The following PIK3CA variants were observed in gnomAD, a reference collection of about 807,000 sequenced individuals.
PIK3CA encodes phosphatidylinositol 4,5-bisphosphate 3-kinase catalytic subunit alpha isoform.
In PIK3CA, 27 loss-of-function variants were observed where a neutral mutation model predicts 138.2. That is an observed-to-expected ratio of 0.20 (90% confidence interval 0.14 to 0.27). The LOEUF (loss-of-function observed/expected upper bound fraction) is 0.27, where lower values mean the gene tolerates loss of function less well. PIK3CA is among the 10% of genes least tolerant of loss of function. PIK3CA has a pLI of 1.00. For missense variants in PIK3CA, 544 were observed against 1,277.4 expected (o/e 0.43, Z 8.75); for synonymous variants, 358 against 413.2 (o/e 0.87, Z 1.62).
intron 20 of PIK3CA, among the ~76,000 whole-genome samples, chr3:179,232,595 G>C (rs1325904356): frequency 6.6e-6 from 1 of 151,784 alleles, no homozygotes; most frequent in Non-Finnish European, 1.5e-5. Context: ...GACTCTTTTT[G>C]GTCGGTTTTA....
intron 1 of PIK3CA, among the ~76,000 whole-genome samples, chr3:179,185,572 G>A (rs1385324076): frequency 6.6e-6 from 1 of 152,130 alleles, no homozygotes; most frequent in Non-Finnish European, 1.5e-5. Context: ...ATAGATTGAG[G>A]GCTCAGTCAC....
intron 2 of PIK3CA, 69 bp from the exon 3 acceptor site, chr3:179,199,621 T>C: frequency 8.5e-7 from 1 of 1,173,986 alleles, no homozygotes; most frequent in South Asian, 1.4e-5. Flanking sequence ...AGTTCCCTGT[T>C]TGCAAAAAAA....
At chr3:179,160,503 C>T (rs554464839) in intron 1 of PIK3CA, among the ~76,000 whole-genome samples, 86 of 152,216 alleles carry the variant, frequency 5.6e-4, no homozygotes, top group East Asian at 2.9e-3. Context: ...CAGTTTGATC[C>T]GGTGCTGGAA....
intron 1 of PIK3CA, among the ~76,000 whole-genome samples, chr3:179,155,236 TTATTGTATCCTCAGCACA>T (rs1332357734): frequency 6.6e-6 from 1 of 152,196 alleles, no homozygotes; most frequent in Non-Finnish European, 1.5e-5. Context: ...AATGTTGTGT[TTATTGTATCCTCAGCACA>T]TACTGTAGTG....
intron 10 of PIK3CA, 110 bp downstream of exon 10, chr3:179,218,444 C>T (rs1724893311): frequency 4.0e-6 from 3 of 752,728 alleles, no homozygotes; most frequent in African/African-American, 1.8e-5. Flanking sequence ...ATAAATAAAG[C>T]AGAATTTACA....
chr3:179,148,462 G>T lies in PIK3CA; in HGVS notation c.-218G>T, dbSNP rs1379257177. 1 of 150,962 alleles carries T rather than the reference G, an allele frequency of 6.6e-6. No individual in the cohort carries two copies. The highest frequency in any genetic ancestry group is 1.5e-5 in the Non-Finnish European group (1 of 67,638). 9.4% of individuals were successfully genotyped at this position (150,962 alleles called of 1,614,324 possible). A position where few individuals can be genotyped will look rare whatever the true frequency, so the allele number is the denominator to read the frequency against. Reference sequence around the variant, plus strand: ...GCGAGGCAGGGCTCGGGCCCGGCCGGGCAGCTCCGGAGCGGCGGGGGAGAG... The same window carrying T: ...GCGAGGCAGGGCTCGGGCCCGGCCGTGCAGCTCCGGAGCGGCGGGGGAGAG... On this transcript the variant is annotated 5_prime_UTR_variant, in exon 1 of 21. Transcript: ENST00000263967.
Position 179,220,121 on chromosome 3 carries a change from A to G in PIK3CA, c.2015+69A>G, listed in dbSNP as rs1043968338. ...ACTTGCTTTCTTAATAGATTTATAAATATGTATTACTTATATACTTTTGTT... is the reference window on the plus strand; with the variant it reads ...ACTTGCTTTCTTAATAGATTTATAAGTATGTATTACTTATATACTTTTGTT... On this transcript the variant is annotated intron_variant, in intron 13 of 20. Coordinates refer to ENST00000263967, the MANE Select transcript of PIK3CA (RefSeq NM_006218.4). The surrounding 1 kb of genome is among the most constrained non-coding windows in gnomAD (Gnocchi z 4.1). 1 of 1,132,670 alleles carries G rather than the reference A, an allele frequency of 8.8e-7. No homozygotes were observed. Among genetic ancestry groups the G allele is most frequent in the Non-Finnish European group, 1.2e-6 (1 of 802,408 alleles). The allele number at this position is 1,132,670 out of a possible 1,614,324, so 70.2% of individuals were successfully genotyped here. A position where few individuals can be genotyped will look rare whatever the true frequency, so the allele number is the denominator to read the frequency against.
intron 9 of PIK3CA, among the ~76,000 whole-genome samples, chr3:179,214,739 A>G (rs372383541): frequency 2.7e-5 from 4 of 149,350 alleles, no homozygotes; most frequent in South Asian, 4.2e-4. Flanking sequence ...AAAGCAAAGC[A>G]CAATAATACA....
Position 179,219,808 on chromosome 3 carries a change from T to G in PIK3CA, c.1911+73T>G. The G allele has an allele frequency of 7.0e-7, 1 of 1,433,964 alleles. No homozygotes were observed. The allele number at this position is 1,433,964 out of a possible 1,614,324, so 88.8% of individuals were successfully genotyped here. Reference sequence around the variant, plus strand: ...TATTCTAGATCCATACAACTTCCTTTTAAAAAACCTACTGCACTAACTAGT... The same window carrying G: ...TATTCTAGATCCATACAACTTCCTTGTAAAAAACCTACTGCACTAACTAGT... On this transcript the variant is annotated intron_variant, in intron 12 of 20. Coordinates refer to ENST00000263967, the MANE Select transcript of PIK3CA (RefSeq NM_006218.4). The surrounding 1 kb of genome is among the most constrained non-coding windows in gnomAD (Gnocchi z 4.2).
chr3:179,234,425 C>G lies in PIK3CA; in HGVS notation c.*61C>G, dbSNP rs1225263915. ...TCCACACTGCACTGTTAATAACTCTCAGCAGGCAAAGACCGATTGCATAGG... is the reference window on the plus strand; with the variant it reads ...TCCACACTGCACTGTTAATAACTCTGAGCAGGCAAAGACCGATTGCATAGG... On this transcript the variant is annotated 3_prime_UTR_variant, in exon 21 of 21. Coordinates refer to ENST00000263967, the MANE Select transcript of PIK3CA (RefSeq NM_006218.4). This position sits in a 1 kb window ranked among gnomAD's most constrained non-coding sequence, Gnocchi z 5.1. 4.9e-6 allele frequency: 7 copies of G among 1,437,350 alleles called. No homozygotes were observed. Among genetic ancestry groups the G allele is most frequent in the Non-Finnish European group, 6.6e-6 (7 of 1,058,214 alleles). 89.0% of individuals were successfully genotyped at this position (1,437,350 alleles called of 1,614,324 possible).
chr3:179,228,777 G>T (rs1436918940), intron 17 of PIK3CA, among the ~76,000 whole-genome samples: 1 of 151,732 alleles, frequency 6.6e-6, no homozygotes, highest in Admixed American at 6.6e-5. Context: ...GCTTTTAAAT[G>T]AATTAGTAAA....
At chr3:179,222,712 A>G (rs964171741) in intron 14 of PIK3CA, among the ~76,000 whole-genome samples, 1 of 152,230 alleles carries the variant, frequency 6.6e-6, no homozygotes, top group African/African-American at 2.4e-5. Context: ...CAGCATCTCA[A>G]GAAAATACTG....
At chr3:179,198,345 G>T (rs1724319645) in intron 1 of PIK3CA, among the ~76,000 whole-genome samples, 1 of 152,148 alleles carries the variant, frequency 6.6e-6, no homozygotes, top group African/African-American at 2.4e-5. Flanking sequence ...TGATCTGAAA[G>T]ATTGTTTCTG....
chr3:179,195,042 GAC>G (rs1560135684), intron 1 of PIK3CA, among the ~76,000 whole-genome samples: 1 of 149,322 alleles, frequency 6.7e-6, no homozygotes, highest in African/African-American at 2.5e-5. Flanking sequence ...ACAGGGTAGA[GAC>G]AGATAACAAG....
intron 1 of PIK3CA, among the ~76,000 whole-genome samples, chr3:179,165,384 G>C (rs1517585): frequency 0.099 from 15,013 of 152,062 alleles, 1,188 homozygotes; most frequent in African/African-American, 0.2. Context: ...CTGGGAACCT[G>C]AATTTTATTT....
At chr3:179,190,187 C>T (rs1002369093) in intron 1 of PIK3CA, among the ~76,000 whole-genome samples, 1 of 152,108 alleles carries the variant, frequency 6.6e-6, no homozygotes, top group African/African-American at 2.4e-5. Flanking sequence ...TGCTACCTCG[C>T]TTTGTTCAGG....
chr3:179,155,562 C>T (rs923431472), intron 1 of PIK3CA, among the ~76,000 whole-genome samples: 1 of 152,008 alleles, frequency 6.6e-6, no homozygotes, highest in Non-Finnish European at 1.5e-5. Flanking sequence ...CTAAACAAAA[C>T]AGTAGAACAA....
rs77117900 is a variant in PIK3CA at position 179,155,849 on chromosome 3, A to G, written c.-77+7246A>G. On this transcript the variant is annotated intron_variant, in intron 1 of 20. Coordinates refer to ENST00000263967, the MANE Select transcript of PIK3CA (RefSeq NM_006218.4). ...ACATTTTGGCAAAGATTGTTAGGTT[A>G]CAGAGAGGCTGTGTGCTGTGGTGAA... 6.8e-3 allele frequency among the ~76,000 whole-genome samples: 1,029 copies of G among 152,322 alleles called. 64 individuals carry two copies. The South Asian group carries it at 0.14, about 20-fold the overall frequency.
At chr3:179,197,918 A>C (rs1004271748) in intron 1 of PIK3CA, among the ~76,000 whole-genome samples, 1 of 152,216 alleles carries the variant, frequency 6.6e-6, no homozygotes, top group Non-Finnish European at 1.5e-5. Flanking sequence ...ATAATACTTA[A>C]TAGTTCTTAA....
Sources: allele counts gnomAD v4.1 joint callset (sites outside exome capture counted in the v4.1 genomes callset), GRCh38; gene constraint gnomAD v4.1.1; non-coding constraint Gnocchi (gnomAD v3.1); transcripts MANE v1.5; gene names NCBI Gene and HGNC (gene_info 2026-07-23, HGNC 2026-07-21).